SFMBT1: variants seen among roughly 807,000 people sequenced by gnomAD.
SFMBT1 encodes the protein Scm like with four mbt domains 1, also known as scm-like with four MBT domains protein 1.
A neutral mutation model predicts 108.7 loss-of-function variants in SFMBT1; 32 were observed. That is an observed-to-expected ratio of 0.29 (90% confidence interval 0.22 to 0.40). The LOEUF is 0.40. Among genes scored for constraint, SFMBT1 ranks in the 10% least tolerant of loss-of-function variants. The pLI is 1.00. For missense variants in SFMBT1, 816 were observed against 1,059.6 expected (o/e 0.77, Z 3.19); for synonymous variants, 348 against 369.5 (o/e 0.94, Z 0.67).
At chr3:52,989,992 G>C (rs1705065310) in intron 1 of SFMBT1, among the ~76,000 whole-genome samples, 1 of 152,096 alleles carries the variant, frequency 6.6e-6, no homozygotes, top group African/African-American at 2.4e-5. Context: ...CCTTCAAAGG[G>C]AAAAAATTTC....
intron 2 of SFMBT1, among the ~76,000 whole-genome samples, chr3:52,966,552 G>A (rs1704155375): frequency 7.0e-6 from 1 of 143,458 alleles, no homozygotes; most frequent in Non-Finnish European, 1.5e-5. Flanking sequence ...GTGAACCCAG[G>A]AGGCGGAGCT....
intron 1 of SFMBT1, among the ~76,000 whole-genome samples, chr3:52,990,447 G>C (rs1240486949): frequency 6.6e-6 from 1 of 152,118 alleles, no homozygotes. Context: ...TGCTTGAAGA[G>C]ACTTAATGTC....
intron 1 of SFMBT1, among the ~76,000 whole-genome samples, chr3:53,041,836 CCA>C (rs146845727): frequency 0.016 from 2,487 of 152,084 alleles, 69 homozygotes; most frequent in African/African-American, 0.056. Flanking sequence ...ACCAAAATCC[CCA>C]CACACTTTTA....
At chr3:52,971,799 A>AG (rs1357765519) in intron 1 of SFMBT1, among the ~76,000 whole-genome samples, 2 of 152,202 alleles carry the variant, frequency 1.3e-5, no homozygotes, top group Non-Finnish European at 2.9e-5. Context: ...GCTAGGCAAA[A>AG]GGGGGAGAAA....
chr3:53,028,005 G>C (rs1699554924), intron 1 of SFMBT1, among the ~76,000 whole-genome samples: 1 of 152,182 alleles, frequency 6.6e-6, no homozygotes, highest in Non-Finnish European at 1.5e-5. Context: ...AACTTGCCAG[G>C]TTACCCCATT....
At chr3:52,915,291 G>A (rs570467315) in intron 14 of SFMBT1, among the ~76,000 whole-genome samples, 2 of 152,322 alleles carry the variant, frequency 1.3e-5, no homozygotes, top group African/African-American at 4.8e-5. Context: ...CTGAGGTTGT[G>A]CAGAAGATAT....
chr3:52,952,657 G>C (rs1703633089), intron 3 of SFMBT1, among the ~76,000 whole-genome samples: 1 of 152,174 alleles, frequency 6.6e-6, no homozygotes, highest in South Asian at 2.1e-4. Context: ...GTGCCTTCTT[G>C]CTGTCTTCAC....
chr3:53,040,326 T>C (rs976459110), intron 1 of SFMBT1, among the ~76,000 whole-genome samples: 4 of 152,220 alleles, frequency 2.6e-5, no homozygotes, highest in Admixed American at 2.6e-4. Context: ...ACACTTTAAA[T>C]TGAATATCAG....
intron 1 of SFMBT1, among the ~76,000 whole-genome samples, chr3:53,013,030 T>A (rs1401875984): frequency 6.6e-6 from 1 of 151,714 alleles, no homozygotes; most frequent in Non-Finnish European, 1.5e-5. Context: ...TTATACTACC[T>A]TTCCCAAACC....
At chr3:52,928,043 T>C in intron 9 of SFMBT1, 148 bp downstream of exon 9, 1 of 961,254 alleles carries the variant, frequency 1.0e-6, no homozygotes, top group East Asian at 2.6e-5. Flanking sequence ...AATCTAGACC[T>C]TTCCTTATAC....
At chr3:52,920,866 A>G (rs1436998254) in intron 11 of SFMBT1, among the ~76,000 whole-genome samples, 1 of 152,228 alleles carries the variant, frequency 6.6e-6, no homozygotes, top group East Asian at 1.9e-4. Context: ...CAAAATGGGT[A>G]GAGAATATAC....
chr3:52,943,378 A>C lies in SFMBT1; in HGVS notation c.339T>G (p.Asn113Lys), dbSNP rs1401218446. ...CTTCTGGGGCTTCAAGGGTCTTCTT[A>C]TTCTGCTCACACCACCCAATGGGGT... is the stretch of plus-strand genomic sequence containing the variant. ...DLYPIGWCEQ[N>K]KKTLEAPEGI... is the part of the protein sequence containing the mutation. Residue 113 changes from asparagine to lysine, a missense_variant, in exon 4 of 21, where the codon AAT (asparagine) becomes AAG (lysine). Asn to Lys is a moderately conservative substitution (Grantham distance 94, BLOSUM62 0). This residue lies in a region of SFMBT1 where 495 missense variants were observed against 607.4 expected (regional missense o/e 0.81). Transcript: ENST00000394752. 1 of 1,614,196 alleles carries C rather than the reference A, an allele frequency of 6.2e-7. No homozygotes were observed. The highest frequency in any genetic ancestry group is 8.5e-7 in the Non-Finnish European group (1 of 1,180,032).
At chr3:52,934,201 G>T (rs1702938936) in intron 5 of SFMBT1, among the ~76,000 whole-genome samples, 1 of 152,136 alleles carries the variant, frequency 6.6e-6, no homozygotes, top group Non-Finnish European at 1.5e-5. Context: ...TGGCAAGGAA[G>T]TAGAGGGATG....
chr3:52,967,465 G>C (rs948555467), intron 2 of SFMBT1, among the ~76,000 whole-genome samples: 1 of 152,112 alleles, frequency 6.6e-6, no homozygotes, highest in Admixed American at 6.5e-5. Flanking sequence ...GAATGTTCTG[G>C]AATTAGATAG....
intron 1 of SFMBT1, among the ~76,000 whole-genome samples, chr3:52,996,093 C>A (rs1180538923): frequency 2.7e-5 from 4 of 148,414 alleles, no homozygotes; most frequent in African/African-American, 9.8e-5. Flanking sequence ...AACTTTTGCT[C>A]TTCAAAGACA....
Position 52,905,067 on chromosome 3 carries a change from C to A in SFMBT1, c.*69G>T. 1 of 1,581,594 alleles carries A rather than the reference C, an allele frequency of 6.3e-7. No homozygotes were observed. On this transcript the variant is annotated 3_prime_UTR_variant, in exon 21 of 21. Coordinates refer to ENST00000394752, the MANE Select transcript of SFMBT1 (RefSeq NM_016329.4). ...GAGCCCCAGGACTATTCCAGCTCCA[C>A]TTATAAAGCAGGGTGAAGGATTTGC...
intron 1 of SFMBT1, among the ~76,000 whole-genome samples, chr3:53,011,361 G>A (rs1246883245): frequency 2.0e-5 from 3 of 152,270 alleles, no homozygotes; most frequent in South Asian, 2.1e-4. Context: ...GGTGGCAGGA[G>A]GGATCAATCT....
At chr3:52,938,165 T>G (rs1027106473) in intron 4 of SFMBT1, among the ~76,000 whole-genome samples, 2 of 152,180 alleles carry the variant, frequency 1.3e-5, no homozygotes, top group Admixed American at 6.5e-5. Context: ...TTTTTACTTT[T>G]TCGTAGTCTC....
intron 1 of SFMBT1, among the ~76,000 whole-genome samples, chr3:53,024,925 T>A (rs1276905192): frequency 6.6e-6 from 1 of 152,218 alleles, no homozygotes; most frequent in African/African-American, 2.4e-5. Context: ...GGCCATTATA[T>A]ATAAGAATAT....
Sources: allele counts gnomAD v4.1 joint callset (sites outside exome capture counted in the v4.1 genomes callset), GRCh38; gene constraint gnomAD v4.1.1; regional missense constraint gnomAD v4.1.1; transcripts MANE v1.5; gene names NCBI Gene and HGNC (gene_info 2026-07-23, HGNC 2026-07-21).